Variants in RALGAPA1 observed in about 807,000 individuals in gnomAD.
The protein encoded by RALGAPA1 is ral GTPase-activating protein subunit alpha-1.
A neutral mutation model predicts 269.6 loss-of-function variants in RALGAPA1; 52 were observed. The ratio of observed to expected loss-of-function variants is 0.19; its 90% CI spans 0.15 to 0.24. RALGAPA1 has a LOEUF of 0.24. RALGAPA1 is among the 10% of genes least tolerant of loss of function. The pLI is 1.00. For missense variants in RALGAPA1, 1,917 were observed against 3,013.9 expected (o/e 0.64, Z 8.52); for synonymous variants, 817 against 1,008.3 (o/e 0.81, Z 3.60).
intron 36 of RALGAPA1, among the ~76,000 whole-genome samples, chr14:35,600,222 TTCTTTTTTTC>T (rs1388547422): frequency 8.1e-5 from 10 of 124,138 alleles, no homozygotes; most frequent in African/African-American, 4.2e-4. Context: ...TTTTTTCTTT[TTCTTTTTTTC>T]TTTTTTTTTT....
chr14:35,693,115 A>T (rs921105410), intron 17 of RALGAPA1, among the ~76,000 whole-genome samples: 1 of 152,070 alleles, frequency 6.6e-6, no homozygotes, highest in East Asian at 1.9e-4. Flanking sequence ...AATACATCAT[A>T]TATGTTTTGT....
At chr14:35,712,450 G>A (rs7145774) in intron 16 of RALGAPA1, among the ~76,000 whole-genome samples, 26,103 of 151,776 alleles carry the variant, frequency 0.17, 2,551 homozygotes, top group African/African-American at 0.26. Flanking sequence ...ACTGGCAACA[G>A]ATTCTTTCCA....
chr14:35,682,136 C>T (rs1437168318), intron 21 of RALGAPA1, among the ~76,000 whole-genome samples: 1 of 152,124 alleles, frequency 6.6e-6, no homozygotes, highest in Non-Finnish European at 1.5e-5. Flanking sequence ...GTACAACTGT[C>T]CAAGGAAAAT....
intron 33 of RALGAPA1, among the ~76,000 whole-genome samples, chr14:35,632,148 G>A (rs2061396464): frequency 6.6e-6 from 1 of 152,044 alleles, no homozygotes; most frequent in Non-Finnish European, 1.5e-5. Context: ...CTCTCAAATT[G>A]TTTATTGGGC....
At chr14:35,566,787 TA>T (rs1298709050) in intron 39 of RALGAPA1, among the ~76,000 whole-genome samples, 1 of 151,032 alleles carries the variant, frequency 6.6e-6, no homozygotes, top group Non-Finnish European at 1.5e-5. Context: ...GTTTATTATA[TA>T]AATGTTCATT....
chr14:35,793,176 G>A (rs1466610381), intron 1 of RALGAPA1, among the ~76,000 whole-genome samples: 2 of 151,596 alleles, frequency 1.3e-5, no homozygotes, highest in African/African-American at 2.4e-5. Flanking sequence ...CAAGAGGATG[G>A]TGATGCCATT....
chr14:35,643,423 C>T (rs2062164211), intron 31 of RALGAPA1, among the ~76,000 whole-genome samples: 1 of 152,150 alleles, frequency 6.6e-6, no homozygotes, highest in Non-Finnish European at 1.5e-5. Flanking sequence ...AACCCTCATA[C>T]ACTGTTGGTG....
chr14:35,802,705 A>G (rs1401711031), intron 1 of RALGAPA1, among the ~76,000 whole-genome samples: 1 of 147,054 alleles, frequency 6.8e-6, no homozygotes, highest in African/African-American at 2.6e-5. Context: ...AAAAAAAAAT[A>G]CAGTGTCACT....
In RALGAPA1 at chr14:35,748,699, G is replaced by A. The variant is rs371400797; in HGVS notation, c.1137C>T (p.Ser379=). The A allele has an allele frequency of 1.4e-4, 222 of 1,613,552 alleles. No homozygotes were observed. The highest frequency in any genetic ancestry group is 3.3e-4 in the Middle Eastern group (2 of 6,002). The change falls in exon 10 of 42, where the codon AGC becomes AGT. Residue 379 remains serine (S), a synonymous_variant. Coordinates refer to ENST00000680220, the MANE Select transcript of RALGAPA1 (RefSeq NM_001346249.2). ...CATCAATACTACAGAGACTAGATGA[G>A]CTAGGTTCTCGCTCCGTGAGAGTGC... is the stretch of plus-strand genomic sequence containing the variant. The part of the protein sequence containing the change: ...NTSTLTEREP[S]SSSLCSIDEE...
chr14:35,627,504 G>A lies in RALGAPA1; in HGVS notation c.6443C>T (p.Pro2148Leu), dbSNP rs397841900. ...ATCTTCTAAGCATTCATTAGATGTC[G>A]GAGGCTCTTCTGGCTTCTCTTGGTG... ...LSHQEKPEEP[P>L]TSNECLEDIT... Residue 2148 changes from proline (P) to leucine (L), a missense_variant, in exon 34 of 42, where the codon CCG becomes CTG. This residue lies in a region of RALGAPA1 where 346 missense variants were observed against 566.1 expected (regional missense o/e 0.61). Transcript: ENST00000680220. 70 of 1,609,356 alleles carry A rather than the reference G, an allele frequency of 4.3e-5. 1 individual carries two copies. Among genetic ancestry groups the A allele is most frequent in the South Asian group, 2.3e-4 (21 of 89,826 alleles).
intron 37 of RALGAPA1, among the ~76,000 whole-genome samples, chr14:35,573,888 T>C (rs1299065538): frequency 2.0e-5 from 3 of 152,208 alleles, no homozygotes; most frequent in African/African-American, 7.2e-5. Flanking sequence ...GCCATCCCCA[T>C]GTGTCAGCTT....
At chr14:35,807,059 A>T (rs1368711376) in intron 1 of RALGAPA1, among the ~76,000 whole-genome samples, 1 of 152,220 alleles carries the variant, frequency 6.6e-6, no homozygotes, top group Non-Finnish European at 1.5e-5. Context: ...CTATGCCAAA[A>T]AAGTATATAT....
At chr14:35,692,817 T>C (rs947132746) in intron 17 of RALGAPA1, among the ~76,000 whole-genome samples, 9 of 152,002 alleles carry the variant, frequency 5.9e-5, no homozygotes, top group African/African-American at 2.2e-4. Context: ...TAATTGACTC[T>C]AATAAGCCTT....
At chr14:35,588,711 A>G (rs1218903320) in intron 37 of RALGAPA1, among the ~76,000 whole-genome samples, 1 of 152,184 alleles carries the variant, frequency 6.6e-6, no homozygotes, top group East Asian at 1.9e-4. Context: ...CAAAAAATTA[A>G]AAATTAGAAC....
intron 21 of RALGAPA1, among the ~76,000 whole-genome samples, chr14:35,681,790 T>C (rs2065469056): frequency 6.6e-6 from 1 of 152,208 alleles, no homozygotes; most frequent in African/African-American, 2.4e-5. Context: ...TGCCCATCTG[T>C]AGTCGATCCC....
At position 35,752,179 on chromosome 14, in the gene RALGAPA1, T is replaced by C. The variant is rs543245150; in HGVS notation, c.664-17A>G. 8.7e-6 allele frequency: 13 copies of C among 1,502,568 alleles called. No homozygotes were observed. Among genetic ancestry groups the C allele is most frequent in the Non-Finnish European group, 1.2e-5 (13 of 1,123,350 alleles). The allele number at this position is 1,502,568 out of a possible 1,614,324, so 93.1% of individuals were successfully genotyped here. The stretch of plus-strand genomic sequence containing the variant: ...ACTTTTTACCTAAAAATAAATTATA[T>C]AATTAGAATCATTCCAGAAGAAAGA... On this transcript the variant is annotated splice_polypyrimidine_tract_variant and intron_variant, in intron 7 of 41. Coordinates refer to ENST00000680220, the MANE Select transcript of RALGAPA1 (RefSeq NM_001346249.2).
At chr14:35,805,864 CAGTAG>C (rs1211302483) in intron 1 of RALGAPA1, among the ~76,000 whole-genome samples, 5 of 151,350 alleles carry the variant, frequency 3.3e-5, no homozygotes, top group African/African-American at 1.2e-4. Context: ...TTTGTATTTT[CAGTAG>C]AGTAGAGACC....
rs578135614 is a variant in RALGAPA1, at chr14:35,562,914, G to A, written c.7496+7703C>T. On this transcript the variant is annotated intron_variant, in intron 39 of 41. Coordinates refer to ENST00000680220, the MANE Select transcript of RALGAPA1 (RefSeq NM_001346249.2). ...CATGCACCTGTAGTCCCAGCGACTC[G>A]GGAGGCTGAGGCAGGAGAACTGCTT... Among the ~76,000 whole-genome samples, 17 of 150,874 alleles carry A rather than the reference G, an allele frequency of 1.1e-4. No individual in the cohort carries two copies. The South Asian group carries it at 3.4e-3, about 30-fold the overall frequency.
At chr14:35,736,580 G>A (rs144689328) in intron 12 of RALGAPA1, among the ~76,000 whole-genome samples, 58 of 152,246 alleles carry the variant, frequency 3.8e-4, no homozygotes, top group African/African-American at 1.2e-3. Context: ...AGGAGGATAT[G>A]CTATTCTGGA....
Sources: allele counts gnomAD v4.1 joint callset (sites outside exome capture counted in the v4.1 genomes callset), GRCh38; gene constraint gnomAD v4.1.1; regional missense constraint gnomAD v4.1.1; transcripts MANE v1.5; gene names NCBI Gene and HGNC (gene_info 2026-07-23, HGNC 2026-07-21).